SAMD7: variants seen among roughly 807,000 people sequenced by gnomAD.
SAMD7 encodes sterile alpha motif domain-containing protein 7.
A neutral mutation model predicts 36.7 loss-of-function variants in SAMD7; 34 were observed. The observed-to-expected ratio is 0.93, with a 90% CI of 0.71 to 1.23. The LOEUF (loss-of-function observed/expected upper bound fraction) is 1.23, where lower values mean the gene tolerates loss of function less well. Ranked by LOEUF, SAMD7 falls within the 50% of genes most tolerant of loss-of-function variation. The pLI, the probability that SAMD7 is intolerant of heterozygous loss-of-function variation, is 0.00. For missense variants in SAMD7, 570 were observed against 546.6 expected (o/e 1.04, Z -0.43); for synonymous variants, 188 against 189.7 (o/e 0.99, Z 0.07).
At chr3:169,924,765 G>A (rs1713185430) in intron 4 of SAMD7, among the ~76,000 whole-genome samples, 1 of 152,162 alleles carries the variant, frequency 6.6e-6, no homozygotes, top group Non-Finnish European at 1.5e-5. Context: ...CAGATCACGA[G>A]ATTCACAAAT....
At chr3:169,928,698 T>C in intron 7 of SAMD7, 120 bp downstream of exon 7, 1 of 1,044,928 alleles carries the variant, frequency 9.6e-7, no homozygotes. Flanking sequence ...ATCTCTCTTT[T>C]TTATGCCAGT....
At chr3:169,923,809 CTAAG>C (rs990286969) in intron 4 of SAMD7, among the ~76,000 whole-genome samples, 1 of 152,172 alleles carries the variant, frequency 6.6e-6, no homozygotes, top group Non-Finnish European at 1.5e-5. Context: ...AACTGAGCTA[CTAAG>C]TAAGTTAGCA....
chr3:169,931,856 C>T (rs139336377), intron 7 of SAMD7: 63 of 192,468 alleles, frequency 3.3e-4, no homozygotes, highest in Admixed American at 1.9e-3. Flanking sequence ...GAGTCTAGGA[C>T]GCAACGGGAA....
chr3:169,935,016 C>A (rs1713669893), intron 7 of SAMD7, among the ~76,000 whole-genome samples: 1 of 152,132 alleles, frequency 6.6e-6, no homozygotes, highest in Non-Finnish European at 1.5e-5. Flanking sequence ...TGCAAAATGT[C>A]TGCATGTTTG....
chr3:169,920,929 A>G (rs926782134), intron 3 of SAMD7, among the ~76,000 whole-genome samples: 17 of 152,316 alleles, frequency 1.1e-4, no homozygotes, highest in Admixed American at 6.5e-5. Flanking sequence ...ATCAGAGAGC[A>G]GTGTTGATTT....
Position 169,935,570 on chromosome 3 carries a change from G to A in SAMD7, c.1042-769G>A, listed in dbSNP as rs572806636. Among the ~76,000 whole-genome samples the A allele has an allele frequency of 5.9e-5, 9 of 152,074 alleles. No homozygotes were observed. In the East Asian group the frequency reaches 1.7e-3, roughly 29 times the overall value. The stretch of plus-strand genomic sequence containing the variant: ...TATGATCTACTGAAAATGAGGGAAG[G>A]CTCTGCCTACAAAGTCTAAAGTTTG... On this transcript the variant is annotated intron_variant, in intron 7 of 8. Coordinates refer to ENST00000335556, the MANE Select transcript of SAMD7 (RefSeq NM_001304366.2).
At chr3:169,936,618 G>T (rs1713726338) in intron 8 of SAMD7, among the ~76,000 whole-genome samples, 169 bp downstream of exon 8, 1 of 152,098 alleles carries the variant, frequency 6.6e-6, no homozygotes, top group African/African-American at 2.4e-5. Flanking sequence ...CATTGGATGG[G>T]ATGGTGGTAC....
chr3:169,924,439 T>C (rs902226813), intron 4 of SAMD7, among the ~76,000 whole-genome samples: 1 of 151,956 alleles, frequency 6.6e-6, no homozygotes, highest in African/African-American at 2.4e-5. Context: ...ATACAAAAAT[T>C]AGCTGGGTGT....
chr3:169,926,947 A>G lies in SAMD7; in HGVS notation c.685A>G (p.Ile229Val), dbSNP rs750242678. ...GGATCATTATGCAAAAGACCCAGAC[A>G]TTGAAGCACCCAGCAACCAGAAGTC... Reference protein sequence around the residue: ...EEDHYAKDPDIEAPSNQKSSE... With the variant: ...EEDHYAKDPDVEAPSNQKSSE... The change falls in exon 6 of 9, where the codon ATT (isoleucine) becomes GTT (valine). Residue 229 changes from isoleucine to valine, a missense_variant. Physicochemically the swap from Ile to Val is conservative, Grantham distance 29. Coordinates refer to ENST00000335556, the MANE Select transcript of SAMD7 (RefSeq NM_001304366.2). The G allele has an allele frequency of 1.6e-5, 26 of 1,613,964 alleles. No homozygotes were observed. The highest frequency in any genetic ancestry group is 1.6e-4 in the Middle Eastern group (1 of 6,084).
At chr3:169,935,499 T>TTTTTG (rs141323031) in intron 7 of SAMD7, among the ~76,000 whole-genome samples, 15,300 of 151,810 alleles carry the variant, frequency 0.1, 1,052 homozygotes, top group South Asian at 0.14. Context: ...TGTTTTCTGT[T>TTTTTG]TTTTGTTTTG....
At position 169,938,534 on chromosome 3, in the gene SAMD7, A is replaced by G. The variant is rs537562067; in HGVS notation, c.*28A>G. 2.0e-6 allele frequency: 3 copies of G among 1,469,550 alleles called. No homozygotes were observed. In the East Asian group the frequency reaches 6.9e-5, roughly 34 times the overall value. The allele number at this position is 1,469,550 out of a possible 1,614,324, so 91.0% of individuals were successfully genotyped here. On this transcript the variant is annotated 3_prime_UTR_variant, in exon 9 of 9. Transcript: ENST00000335556. ...GCCCTCAAGGAGGAAGAATAGTCTT[A>G]GCCAGTTTTCCAAAGAGCCTAGGAT...
intron 5 of SAMD7, chr3:169,926,183 T>C (rs1713248990): frequency 5.7e-6 from 5 of 875,818 alleles, no homozygotes; most frequent in Non-Finnish European, 8.2e-6. Flanking sequence ...CTAATTGTCT[T>C]TCTTGAATCT....
intron 1 of SAMD7, among the ~76,000 whole-genome samples, chr3:169,914,629 A>T (rs1484544818): frequency 6.6e-6 from 1 of 152,228 alleles, no homozygotes; most frequent in Admixed American, 6.5e-5. Flanking sequence ...AGCAAGCCAG[A>T]CCCAAGAACC....
At chr3:169,915,510 T>C (rs1448987664) in intron 2 of SAMD7, 69 bp downstream of exon 2, 2 of 151,326 alleles carry the variant, frequency 1.3e-5, no homozygotes, top group Non-Finnish European at 2.9e-5. Flanking sequence ...TCCTTTTTCC[T>C]TCTCCTTTTT....
At position 169,939,083 on chromosome 3, in the gene SAMD7, G is replaced by A. The variant is rs1448616802; in HGVS notation, c.*577G>A. On this transcript the variant is annotated 3_prime_UTR_variant, in exon 9 of 9. Transcript: ENST00000335556. ...CACGGCTGTAATCCCAACACTTTGGGAGTCTGAGGCGGGCGGATCATGAGG... is the reference window on the plus strand; with the variant it reads ...CACGGCTGTAATCCCAACACTTTGGAAGTCTGAGGCGGGCGGATCATGAGG... 9 of 152,178 alleles carry A rather than the reference G, an allele frequency of 5.9e-5. No homozygotes were observed. The highest frequency in any genetic ancestry group is 5.2e-4 in the Admixed American group (8 of 15,266). The allele number at this position is 152,178 out of a possible 1,614,324, so 9.4% of individuals were successfully genotyped here. A position where few individuals can be genotyped will look rare whatever the true frequency, so the allele number is the denominator to read the frequency against.
At chr3:169,928,609 G>A in intron 7 of SAMD7, 31 bp downstream of exon 7, 1 of 1,604,034 alleles carries the variant, frequency 6.2e-7, no homozygotes, top group Non-Finnish European at 8.5e-7. Context: ...TTCCATACAA[G>A]AAAAACAGTT....
At chr3:169,928,068 T>G (rs539075547) in intron 6 of SAMD7, among the ~76,000 whole-genome samples, 1 of 152,210 alleles carries the variant, frequency 6.6e-6, no homozygotes, top group African/African-American at 2.4e-5. Flanking sequence ...ACCAACTGTT[T>G]CCCTACAAAG....
intron 7 of SAMD7, among the ~76,000 whole-genome samples, chr3:169,929,140 T>C (rs1373098076): frequency 6.6e-6 from 1 of 152,186 alleles, no homozygotes; most frequent in African/African-American, 2.4e-5. Flanking sequence ...AAAACTATAA[T>C]GAACTATCAG....
intron 8 of SAMD7, 89 bp downstream of exon 8, chr3:169,936,538 T>A: frequency 2.7e-6 from 2 of 754,352 alleles, no homozygotes; most frequent in Non-Finnish European, 2.2e-6. Flanking sequence ...ATATAAATAA[T>A]ACTTATTTAA....
Sources: gnomAD v4.1 joint callset for allele counts (sites outside exome capture counted in the v4.1 genomes callset) on GRCh38, gnomAD v4.1.1 for gene constraint, MANE v1.5 for transcripts, NCBI Gene and HGNC (gene_info 2026-07-23, HGNC 2026-07-21) for gene names.